The following WDR19 variants were observed in gnomAD, a reference collection of about 807,000 sequenced individuals.
WDR19 encodes WD repeat domain 19, also known as WD repeat-containing protein 19.
In WDR19, 121 loss-of-function variants were observed where a neutral mutation model predicts 180.0. That is an observed-to-expected ratio of 0.67 (90% CI 0.58 to 0.78). The LOEUF (loss-of-function observed/expected upper bound fraction) is 0.78. Among genes scored for constraint, WDR19 ranks in the 30% least tolerant of loss-of-function variants. WDR19 has a pLI of 0.00. For synonymous variants in WDR19, 497 were observed against 540.7 expected, an observed-to-expected ratio of 0.92 and a Z score of 1.12; for missense variants, 1,450 against 1,640.7, an observed-to-expected ratio of 0.88 and a Z score of 2.01.
chr4:39,240,478 A>C, intron 21 of WDR19, 144 bp downstream of exon 21: 3 of 382,950 alleles, frequency 7.8e-6, no homozygotes, highest in Non-Finnish European at 1.4e-5. Flanking sequence ...CCTTGCAAGG[A>C]AATAGTTAAA....
At position 39,285,517 on chromosome 4, in the gene WDR19, C is replaced by G. The variant is rs1040118019; in HGVS notation, c.*44C>G. 5.3e-5 allele frequency: 8 copies of G among 152,316 alleles called. No individual in the cohort carries two copies. The highest frequency in any genetic ancestry group is 1.7e-4 in the African/African-American group (7 of 41,574). The allele number at this position is 152,316 out of a possible 1,614,324, so 9.4% of individuals were successfully genotyped here. ...ATGCTCCTGAGAAGACAGCATTTTC[C>G]ACAGGAGGCTGTTTCCTCCCCTGGT... On this transcript the variant is annotated 3_prime_UTR_variant, in exon 37 of 37. Coordinates refer to ENST00000399820, the MANE Select transcript of WDR19 (RefSeq NM_025132.4).
At chr4:39,284,337 T>A (rs1057437533) in intron 36 of WDR19, among the ~76,000 whole-genome samples, 51 of 127,258 alleles carry the variant, frequency 4.0e-4, no homozygotes, top group African/African-American at 1.3e-3. Flanking sequence ...AAAAATTTTT[T>A]TTTTTTTTTT....
At chr4:39,266,984 G>A (rs940533351) in intron 29 of WDR19, among the ~76,000 whole-genome samples, 1 of 152,228 alleles carries the variant, frequency 6.6e-6, no homozygotes, top group African/African-American at 2.4e-5. Flanking sequence ...TCAGGAGGCT[G>A]AGGCAGGAGA....
intron 12 of WDR19, 67 bp downstream of exon 12, chr4:39,216,277 G>C (rs192788797): frequency 7.6e-7 from 1 of 1,308,420 alleles, no homozygotes; most frequent in Non-Finnish European, 1.0e-6. Context: ...GGGAAGCACT[G>C]CAAGTTTCTT....
At chr4:39,196,558 CA>C in intron 5 of WDR19, among the ~76,000 whole-genome samples, 1 of 152,168 alleles carries the variant, frequency 6.6e-6, no homozygotes, top group Admixed American at 6.5e-5. Flanking sequence ...CCGGTCTCAC[CA>C]TCTCTACTGC....
chr4:39,182,555 G>C lies in WDR19; in HGVS notation c.-3G>C. The C allele has an allele frequency of 6.2e-7, 1 of 1,613,824 alleles. No homozygotes were observed. The highest frequency in any genetic ancestry group is 1.1e-5 in the South Asian group (1 of 91,060). On this transcript the variant is annotated 5_prime_UTR_variant, in exon 1 of 37. Coordinates refer to ENST00000399820, the MANE Select transcript of WDR19 (RefSeq NM_025132.4). ...TAGTTCGCGTAGCGGCTCGAGCGTG[G>C]AGATGAAGGTAAATAACTTACAAAT...
chr4:39,272,965 T>A lies in WDR19; in HGVS notation c.3484-15T>A, dbSNP rs376870184. The stretch of plus-strand genomic sequence containing the variant: ...CAATGACTATAAGAAGAGTAAAATA[T>A]GTCATTTGTTTCAGATTCATGTTAA... On this transcript the variant is annotated splice_polypyrimidine_tract_variant and intron_variant, in intron 31 of 36. Coordinates refer to ENST00000399820, the MANE Select transcript of WDR19 (RefSeq NM_025132.4). 6.3e-7 allele frequency: 1 copy of A among 1,577,036 alleles called. No individual in the cohort carries two copies. Among genetic ancestry groups the A allele is most frequent in the South Asian group, 1.2e-5 (1 of 85,316 alleles).
At chr4:39,189,041 G>A (rs1468606771) in intron 3 of WDR19, among the ~76,000 whole-genome samples, 6 of 152,116 alleles carry the variant, frequency 3.9e-5, no homozygotes, top group South Asian at 2.1e-4. Context: ...TCCTGCCTCA[G>A]CCTCCCAAGT....
intron 5 of WDR19, 77 bp from the exon 6 acceptor site, chr4:39,199,401 G>C: frequency 1.9e-6 from 2 of 1,029,090 alleles, no homozygotes; most frequent in Admixed American, 2.4e-5. Context: ...TTAATTTCTT[G>C]CTATATTCAG....
At position 39,234,832 on chromosome 4, in the gene WDR19, A is replaced by T. The variant is rs762043395; in HGVS notation, c.2320A>T (p.Ile774Leu). The T allele has an allele frequency of 2.5e-6, 4 of 1,577,186 alleles. No individual in the cohort carries two copies. Among genetic ancestry groups the T allele is most frequent in the Middle Eastern group, 1.7e-4 (1 of 6,026 alleles). ...GGCAAAGCATTTGGCCCCAGACCAG[A>T]TACCTTTTATATCAAAAGAATATGC... Reference protein sequence around the residue: ...QLAKHLAPDQIPFISKEYAIQ... With the variant: ...QLAKHLAPDQLPFISKEYAIQ... Residue 774 changes from isoleucine (I) to leucine (L), a missense_variant, in exon 20 of 37, where the codon ATA (isoleucine) becomes TTA (leucine). Ile to Leu is a conservative substitution (Grantham distance 5). Transcript: ENST00000399820.
rs1485151462 is a variant in WDR19, at chr4:39,215,934, T to C, written c.1055T>C (p.Ile352Thr). The change falls in exon 11 of 37, where the codon ATA (isoleucine) becomes ACA (threonine). Residue 352 changes from isoleucine (I) to threonine (T), a missense_variant. Coordinates refer to ENST00000399820, the MANE Select transcript of WDR19 (RefSeq NM_025132.4). ...CATGTTTTCCTGACCAAGCTTCCCATACTTGGGGATGCCTGCAGCACAAGG... is the reference window on the plus strand; with the variant it reads ...CATGTTTTCCTGACCAAGCTTCCCACACTTGGGGATGCCTGCAGCACAAGG... ...SLHVFLTKLP[I>T]LGDACSTRIA... 4 of 1,613,620 alleles carry C rather than the reference T, an allele frequency of 2.5e-6. No homozygotes were observed. Among genetic ancestry groups the C allele is most frequent in the Non-Finnish European group, 3.4e-6 (4 of 1,179,766 alleles).
chr4:39,246,181 A>C (rs946297322), intron 24 of WDR19, among the ~76,000 whole-genome samples: 1 of 152,226 alleles, frequency 6.6e-6, no homozygotes, highest in Non-Finnish European at 1.5e-5. Flanking sequence ...CCATGTTGTC[A>C]AAATGTGCTT....
At position 39,255,867 on chromosome 4, in the gene WDR19, T is replaced by C; in HGVS notation, c.3021T>C (p.Asn1007=). The C allele has an allele frequency of 6.2e-7, 1 of 1,602,358 alleles. No homozygotes were observed. The highest frequency in any genetic ancestry group is 8.5e-7 in the Non-Finnish European group (1 of 1,174,234). Residue 1007 remains asparagine (N), a synonymous_variant, in exon 27 of 37, where the codon AAT becomes AAC. Coordinates refer to ENST00000399820, the MANE Select transcript of WDR19 (RefSeq NM_025132.4). ...TTACAGGTTCTGAAGACACTACTAA[T>C]GAAGACTATCAAAGCATTGCCTTAT... is the stretch of plus-strand genomic sequence containing the variant. ...ADIIGSEDTT[N]EDYQSIALYF...
At chr4:39,255,784 A>T in intron 26 of WDR19, 64 bp from the exon 27 acceptor site, 1 of 782,726 alleles carries the variant, frequency 1.3e-6, no homozygotes, top group Non-Finnish European at 1.9e-6. Context: ...TTTTATTTTC[A>T]GGTTAGCAAT....
At chr4:39,231,315 CAAAAAAAAA>C (rs56002679) in intron 17 of WDR19, among the ~76,000 whole-genome samples, 1 of 87,282 alleles carries the variant, frequency 1.1e-5, no homozygotes, top group African/African-American at 3.9e-5. Context: ...ACTCCGTCTT[CAAAAAAAAA>C]AAAAAAAAAA....
chr4:39,234,948 A>G, intron 20 of WDR19, 73 bp downstream of exon 20: 1 of 819,252 alleles, frequency 1.2e-6, no homozygotes, highest in South Asian at 1.5e-5. Context: ...AACTTCCATT[A>G]ATGATAAGGC....
chr4:39,280,392 T>C (rs1367875938), intron 36 of WDR19, among the ~76,000 whole-genome samples: 1 of 152,142 alleles, frequency 6.6e-6, no homozygotes, highest in Admixed American at 6.5e-5. Context: ...GGCACAATGG[T>C]GCATGCTTAT....
At chr4:39,257,458 T>A in intron 27 of WDR19, 28 bp from the exon 28 acceptor site, 1 of 1,555,970 alleles carries the variant, frequency 6.4e-7, no homozygotes, top group Non-Finnish European at 8.7e-7. Flanking sequence ...ATTCTGAAAA[T>A]TTTTAATTGC....
At position 39,265,034 on chromosome 4, in the gene WDR19, T is replaced by C. The variant is rs1039914329; in HGVS notation, c.3184-1029T>C. 1.8e-4 allele frequency among the ~76,000 whole-genome samples: 27 copies of C among 150,972 alleles called. 1 individual carries two copies. In the Admixed American group the frequency reaches 1.8e-3, roughly 10 times the overall value. ...CCAGGTTCAAGCCGATTCTCATGCC[T>C]CAGCCTCCCGAGTAGCTGAGATTAC... On this transcript the variant is annotated intron_variant, in intron 28 of 36. Transcript: ENST00000399820.
Sources: allele counts gnomAD v4.1 joint callset (sites outside exome capture counted in the v4.1 genomes callset), GRCh38; gene constraint gnomAD v4.1.1; transcripts MANE v1.5; gene names NCBI Gene and HGNC (gene_info 2026-07-23, HGNC 2026-07-21).